The following CTNND2 variants were observed in gnomAD, a reference collection of about 807,000 sequenced individuals.
The protein encoded by CTNND2 is catenin delta-2.
CTNND2 carries 22 observed loss-of-function variants against 144.4 expected under a neutral mutation model. The observed-to-expected ratio is 0.15, with a 90% confidence interval of 0.11 to 0.22. The LOEUF (loss-of-function observed/expected upper bound fraction) is 0.22. Ranked by LOEUF, CTNND2 falls within the 10% of genes least tolerant of loss-of-function variation. The pLI is 1.00. For synonymous variants in CTNND2, 751 were observed against 695.6 expected, an observed-to-expected ratio of 1.08 and a Z score of -1.25; for missense variants, 1,353 against 1,618.8, an observed-to-expected ratio of 0.84 and a Z score of 2.82.
At chr5:11,231,960 GC>G (rs955993032) in intron 10 of CTNND2, among the ~76,000 whole-genome samples, 1 of 152,254 alleles carries the variant, frequency 6.6e-6, no homozygotes, top group Non-Finnish European at 1.5e-5. Flanking sequence ...TCCAGCCATG[GC>G]TAATAGGGGC....
intron 16 of CTNND2, among the ~76,000 whole-genome samples, chr5:11,071,473 G>A (rs1225648594): frequency 6.6e-6 from 1 of 152,118 alleles, no homozygotes; most frequent in Non-Finnish European, 1.5e-5. Flanking sequence ...CTCGGAGGCT[G>A]AGGTTGTAGT....
intron 10 of CTNND2, among the ~76,000 whole-genome samples, chr5:11,229,818 T>C (rs1740800194): frequency 6.6e-6 from 1 of 151,846 alleles, no homozygotes; most frequent in African/African-American, 2.4e-5. Flanking sequence ...CACATATATA[T>C]ACATATATAT....
intron 16 of CTNND2, among the ~76,000 whole-genome samples, chr5:11,071,219 G>A (rs1748242793): frequency 6.6e-6 from 1 of 152,102 alleles, no homozygotes; most frequent in Non-Finnish European, 1.5e-5. Flanking sequence ...AGGCTCTTGG[G>A]GGCCTCAATA....
At chr5:11,875,799 T>C (rs1318400801) in intron 1 of CTNND2, among the ~76,000 whole-genome samples, 1 of 152,126 alleles carries the variant, frequency 6.6e-6, no homozygotes, top group Non-Finnish European at 1.5e-5. Flanking sequence ...AGCAAACTAA[T>C]AAAGTAATCT....
chr5:11,742,779 T>G (rs1788088397), intron 1 of CTNND2, among the ~76,000 whole-genome samples: 1 of 152,220 alleles, frequency 6.6e-6, no homozygotes, highest in African/African-American at 2.4e-5. Context: ...TTTTAAAGAC[T>G]CCTACTACGT....
intron 9 of CTNND2, among the ~76,000 whole-genome samples, chr5:11,259,115 C>G (rs1040280386): frequency 5.9e-5 from 9 of 152,132 alleles, no homozygotes; most frequent in African/African-American, 1.9e-4. Flanking sequence ...TATGGGTGAG[C>G]CTTGTACCAT....
At chr5:11,358,084 T>C (rs1756082846) in intron 8 of CTNND2, among the ~76,000 whole-genome samples, 1 of 152,196 alleles carries the variant, frequency 6.6e-6, no homozygotes, top group Non-Finnish European at 1.5e-5. Context: ...TTGCTACGCT[T>C]AATGATGTAA....
chr5:11,436,853 T>A (rs1054590828), intron 3 of CTNND2, among the ~76,000 whole-genome samples: 2 of 152,248 alleles, frequency 1.3e-5, no homozygotes, highest in African/African-American at 4.8e-5. Flanking sequence ...GCACCTCAGT[T>A]TATTGACATT....
chr5:11,880,409 A>G (rs1735948713), intron 1 of CTNND2, among the ~76,000 whole-genome samples: 2 of 151,800 alleles, frequency 1.3e-5, no homozygotes, highest in African/African-American at 4.8e-5. Flanking sequence ...TTAATAAGTC[A>G]AGAAGAAGGC....
At position 11,833,675 on chromosome 5, in the gene CTNND2, G is replaced by A. The variant is rs1159537679; in HGVS notation, c.37+70142C>T. On this transcript the variant is annotated intron_variant, in intron 1 of 21. Transcript: ENST00000304623. ...AGTAGCTGGGATTACAGGCACCCAC[G>A]ACTACTCCCAGCTAATTTTTGTATT... Among the ~76,000 whole-genome samples, 6 of 151,900 alleles carry A rather than the reference G, an allele frequency of 3.9e-5. No homozygotes were observed. In the East Asian group the frequency reaches 1.2e-3, roughly 29 times the overall value.
chr5:11,596,624 T>A (rs1006159213), intron 2 of CTNND2, among the ~76,000 whole-genome samples: 3 of 152,208 alleles, frequency 2.0e-5, no homozygotes, highest in Admixed American at 2.0e-4. Context: ...TGTATAACCA[T>A]TCCCTGTAGG....
intron 10 of CTNND2, among the ~76,000 whole-genome samples, chr5:11,215,941 C>G (rs760226994): frequency 6.6e-6 from 1 of 152,124 alleles, no homozygotes; most frequent in African/African-American, 2.4e-5. Flanking sequence ...ATTTTCATAA[C>G]GAGAGTTGGG....
rs779737422 is a variant in CTNND2 at position 11,098,614 on chromosome 5, C to T, written c.2598G>A (p.Ala866=). Residue 866 remains alanine, a synonymous_variant, in exon 15 of 22, where the codon GCG becomes GCA. Coordinates refer to ENST00000304623, the MANE Select transcript of CTNND2 (RefSeq NM_001332.4). ...CAGCCAAGTTCTGCAGGGCGCCTGC[C>T]GCCCCTTCCAGCGTGTCTGGATTTG... is the stretch of plus-strand genomic sequence containing the variant. ...ECSNPDTLEG[A]AGALQNLAAG... The T allele has an allele frequency of 2.1e-5, 34 of 1,613,988 alleles. No homozygotes were observed. The highest frequency in any genetic ancestry group is 3.3e-5 in the South Asian group (3 of 91,080).
chr5:11,269,862 T>G (rs1361679276), intron 9 of CTNND2, among the ~76,000 whole-genome samples: 1 of 152,188 alleles, frequency 6.6e-6, no homozygotes, highest in Non-Finnish European at 1.5e-5. Flanking sequence ...GGTCAGAAAG[T>G]TAGATGCTTC....
chr5:11,471,024 C>T (rs1767177764), intron 3 of CTNND2, among the ~76,000 whole-genome samples: 1 of 136,224 alleles, frequency 7.3e-6, no homozygotes, highest in African/African-American at 2.7e-5. Context: ...GTCGCTGAGG[C>T]TGGAGTGCAG....
At chr5:11,680,931 C>T (rs975079891) in intron 2 of CTNND2, among the ~76,000 whole-genome samples, 7 of 152,246 alleles carry the variant, frequency 4.6e-5, no homozygotes, top group Middle Eastern at 3.4e-3. Context: ...GGAGAGAAAG[C>T]CACACACTCA....
intron 2 of CTNND2, among the ~76,000 whole-genome samples, chr5:11,587,870 C>T (rs1235249066): frequency 6.6e-6 from 1 of 151,936 alleles, no homozygotes; most frequent in Admixed American, 6.5e-5. Flanking sequence ...TATTCAATCA[C>T]TGGTTTCAAA....
rs527361999 is a variant in CTNND2, at chr5:11,349,753, C to T, written c.1373-3126G>A. ...TACACTATTTCTCATTACATTTACA[C>T]TATTTCTCTACTAAAGGTAACAGAT... On this transcript the variant is annotated intron_variant, in intron 8 of 21. Coordinates refer to ENST00000304623, the MANE Select transcript of CTNND2 (RefSeq NM_001332.4). Among the ~76,000 whole-genome samples the T allele has an allele frequency of 3.3e-5, 5 of 152,142 alleles. No homozygotes were observed. In the East Asian group the frequency reaches 7.7e-4, roughly 23 times the overall value.
intron 3 of CTNND2, among the ~76,000 whole-genome samples, chr5:11,446,974 C>A (rs6879993): frequency 1.3e-5 from 2 of 152,110 alleles, no homozygotes; most frequent in East Asian, 1.9e-4. Flanking sequence ...CCTATCCCCC[C>A]ACCTCAGTCC....
Sources: allele counts gnomAD v4.1 joint callset (sites outside exome capture counted in the v4.1 genomes callset), GRCh38; gene constraint gnomAD v4.1.1; transcripts MANE v1.5; gene names NCBI Gene and HGNC (gene_info 2026-07-23, HGNC 2026-07-21).